SLC12A7: variants seen among roughly 807,000 people sequenced by gnomAD.
SLC12A7 encodes the protein solute carrier family 12 member 7, also known as K-Cl cotransporter 4.
Under a neutral mutation model 120.6 loss-of-function variants are expected in SLC12A7, and 100 were observed. The observed-to-expected ratio is 0.83, with a 90% CI of 0.71 to 0.98. SLC12A7 has a LOEUF of 0.98. SLC12A7 is among the 50% of genes least tolerant of loss of function. SLC12A7 has a pLI of 0.00. For synonymous variants in SLC12A7, 760 were observed against 678.0 expected, an observed-to-expected ratio of 1.12 and a Z score of -1.88; for missense variants, 1,373 against 1,548.1, an observed-to-expected ratio of 0.89 and a Z score of 1.90.
the SLC12A7 span, among the ~76,000 whole-genome samples, chr5:1,125,742 T>C: frequency 1.3e-5 from 2 of 152,072 alleles, no homozygotes; most frequent in African/African-American, 4.8e-5. Context: ...CTGGCCCACA[T>C]GGTGAAACCC....
intron 23 of SLC12A7, among the ~76,000 whole-genome samples, chr5:1,052,684 A>G (rs1033503885): frequency 1.1e-4 from 17 of 152,118 alleles, no homozygotes; most frequent in African/African-American, 3.9e-4. Context: ...GGCCACAGGG[A>G]GGACGAGCAG....
At chr5:1,149,535 C>T in the SLC12A7 span, among the ~76,000 whole-genome samples, 1 of 152,074 alleles carries the variant, frequency 6.6e-6, no homozygotes, top group African/African-American at 2.4e-5. Flanking sequence ...CGAGATGGTG[C>T]CACTGCACTG....
At chr5:1,133,568 G>A in the SLC12A7 span, among the ~76,000 whole-genome samples, 1 of 152,320 alleles carries the variant, frequency 6.6e-6, no homozygotes, top group Admixed American at 6.5e-5. Context: ...TGGGTGGAGA[G>A]AACAATCCCA....
Position 1,100,041 on chromosome 5 carries a change from A to G in SLC12A7, c.125-5793T>C, listed in dbSNP as rs538665845. On this transcript the variant is annotated intron_variant, in intron 1 of 23. Coordinates refer to ENST00000264930, the MANE Select transcript of SLC12A7 (RefSeq NM_006598.3). ...CAGTAGCATCCAGGGCGAGAAGAAG[A>G]AGGCATGGCATTTCAACCCTCTCCT... 7.9e-5 allele frequency among the ~76,000 whole-genome samples: 12 copies of G among 152,336 alleles called. No homozygotes were observed. The East Asian group carries it at 1.2e-3, about 15-fold the overall frequency.
the SLC12A7 span, among the ~76,000 whole-genome samples, chr5:1,145,530 C>G: frequency 6.6e-6 from 1 of 152,240 alleles, no homozygotes; most frequent in African/African-American, 2.4e-5. The surrounding 1 kb of genome is among the most constrained non-coding windows in gnomAD (Gnocchi z 4.4). Flanking sequence ...GCTGCCAGCC[C>G]CTTCACTGAC....
chr5:1,107,420 G>A (rs1170466459), intron 1 of SLC12A7, among the ~76,000 whole-genome samples: 3 of 152,232 alleles, frequency 2.0e-5, no homozygotes, highest in Non-Finnish European at 2.9e-5. Flanking sequence ...AAAGGGCAGA[G>A]GCCCTGACAG....
intron 1 of SLC12A7, among the ~76,000 whole-genome samples, chr5:1,107,939 A>ACGGATAC: frequency 6.6e-6 from 1 of 152,160 alleles, no homozygotes; most frequent in East Asian, 1.9e-4. Flanking sequence ...GGGGGAGGGA[A>ACGGATAC]CGGATACCCA....
chr5:1,069,996 CCCCAG>C (rs1737501753), intron 17 of SLC12A7, among the ~76,000 whole-genome samples: 2 of 85,258 alleles, frequency 2.3e-5, no homozygotes, highest in Non-Finnish European at 5.2e-5. Flanking sequence ...TTAACGCAGC[CCCCAG>C]TGAGCCCCCA....
intron 20 of SLC12A7, among the ~76,000 whole-genome samples, chr5:1,061,184 A>G (rs76599404): frequency 0.014 from 157 of 11,264 alleles, 3 homozygotes; most frequent in African/African-American, 0.019. Context: ...CGTCTCACCC[A>G]CCGCACCCGC....
the SLC12A7 span, among the ~76,000 whole-genome samples, chr5:1,141,464 G>GAGCCGCCACGGGCACCAC: frequency 8.2e-5 from 8 of 97,058 alleles, no homozygotes; most frequent in Non-Finnish European, 5.3e-5. Context: ...ATGGGCACCA[G>GAGCCGCCACGGGCACCAC]AGCCGCCACG....
the SLC12A7 span, among the ~76,000 whole-genome samples, chr5:1,139,714 A>C: frequency 8.3e-3 from 1,268 of 152,246 alleles, 18 homozygotes; most frequent in South Asian, 0.034. Flanking sequence ...GCCACGGCCC[A>C]CTTTTGTGAC....
At chr5:1,066,222 C>G (rs1480170002) in intron 17 of SLC12A7, among the ~76,000 whole-genome samples, 2 of 152,242 alleles carry the variant, frequency 1.3e-5, no homozygotes, top group Non-Finnish European at 2.9e-5. Flanking sequence ...TTGGAGCAAA[C>G]ATGCCTCTCC....
the SLC12A7 span, among the ~76,000 whole-genome samples, chr5:1,132,566 C>T: frequency 0.094 from 14,229 of 152,152 alleles, 2,231 homozygotes; most frequent in African/African-American, 0.33. Flanking sequence ...AACTAACACC[C>T]GGGCTGTTTT....
Position 1,051,968 on chromosome 5 carries a change from C to T in SLC12A7, c.*392G>A, listed in dbSNP as rs773411658. The T allele has an allele frequency of 4.6e-6, 1 of 215,664 alleles. No individual in the cohort carries two copies. The highest frequency in any genetic ancestry group is 9.1e-6 in the Non-Finnish European group (1 of 109,298). The allele number at this position is 215,664 out of a possible 1,614,324, so 13.4% of individuals were successfully genotyped here. A position where few individuals can be genotyped will look rare whatever the true frequency, so the allele number is the denominator to read the frequency against. On this transcript the variant is annotated 3_prime_UTR_variant, in exon 24 of 24. Transcript: ENST00000264930. Reference sequence around the variant, plus strand: ...ACAGCTTCAGCTCCGGGTGCTCTTCCAAGAATGTTCTGGATGGGGTAGAAA... The same window carrying T: ...ACAGCTTCAGCTCCGGGTGCTCTTCTAAGAATGTTCTGGATGGGGTAGAAA...
the SLC12A7 span, among the ~76,000 whole-genome samples, chr5:1,138,557 G>T: frequency 6.6e-6 from 1 of 152,114 alleles, no homozygotes; most frequent in Non-Finnish European, 1.5e-5. Context: ...CTCTCTCCTC[G>T]TCTGTTTCTG....
chr5:1,075,999 G>A, intron 14 of SLC12A7, 139 bp downstream of exon 14: 1 of 672,642 alleles, frequency 1.5e-6, no homozygotes, highest in Non-Finnish European at 2.5e-6. Flanking sequence ...TTCAGGCCCA[G>A]AGCAGCTGGC....
the SLC12A7 span, among the ~76,000 whole-genome samples, chr5:1,142,592 CTCTG>C: frequency 4.2e-5 from 6 of 142,788 alleles, no homozygotes; most frequent in Non-Finnish European, 9.1e-5. Context: ...GTCCATCTGT[CTCTG>C]TCTGTTTTTC....
chr5:1,093,650 C>G lies in SLC12A7; in HGVS notation c.225G>C (p.Glu75Asp). Residue 75 changes from glutamate (E) to aspartate (D), a missense_variant, in exon 3 of 24, where the codon GAG becomes GAC. Physicochemically the swap from Glu to Asp is conservative, Grantham distance 45. Coordinates refer to ENST00000264930, the MANE Select transcript of SLC12A7 (RefSeq NM_006598.3). Reference sequence around the variant, plus strand: ...AGGACACCATGGGGTTACTGTCCATCTCCTCCTGCGCGGCGTGGACATGGT... The same window carrying G: ...AGGACACCATGGGGTTACTGTCCATGTCCTCCTGCGCGGCGTGGACATGGT... ...EGKNMALFEE[E>D]MDSNPMVSSL... The G allele has an allele frequency of 6.2e-7, 1 of 1,612,986 alleles. No homozygotes were observed. Among genetic ancestry groups the G allele is most frequent in the South Asian group, 1.1e-5 (1 of 91,072 alleles).
chr5:1,063,700 ACCCCCACC>A (rs1736577202), intron 20 of SLC12A7, 136 bp downstream of exon 20: 1 of 6,632 alleles, frequency 1.5e-4, no homozygotes, highest in Non-Finnish European at 3.5e-4. Flanking sequence ...TTCCCCCTCC[ACCCCCACC>A]TCACGAGGCC....
Sources: gnomAD v4.1 joint callset for allele counts (sites outside exome capture counted in the v4.1 genomes callset) on GRCh38, gnomAD v4.1.1 for gene constraint, Gnocchi (gnomAD v3.1) non-coding constraint, MANE v1.5 for transcripts, NCBI Gene and HGNC (gene_info 2026-07-23, HGNC 2026-07-21) for gene names.